The following OSBPL9 variants were observed in gnomAD, a reference collection of about 807,000 sequenced individuals.
The protein encoded by OSBPL9 is oxysterol-binding protein-related protein 9.
In OSBPL9, 40 loss-of-function variants were observed where a neutral mutation model predicts 106.6. The observed-to-expected ratio is 0.38, with a 90% CI of 0.29 to 0.49. The LOEUF is 0.49. Ranked by LOEUF, OSBPL9 falls within the 20% of genes least tolerant of loss-of-function variation. The pLI, the probability that OSBPL9 is intolerant of heterozygous loss-of-function variation, is 0.97. For missense variants in OSBPL9, 609 were observed against 887.2 expected, an observed-to-expected ratio of 0.69 and a Z score of 3.98; for synonymous variants, 269 against 295.4, an observed-to-expected ratio of 0.91 and a Z score of 0.92.
intron 2 of OSBPL9, among the ~76,000 whole-genome samples, chr1:51,603,002 A>G (rs1333327331): frequency 6.6e-6 from 1 of 152,082 alleles, no homozygotes. Flanking sequence ...CAAAAAATAC[A>G]AAAATTAGCC....
intron 3 of OSBPL9, among the ~76,000 whole-genome samples, chr1:51,670,955 A>C (rs1183423318): frequency 3.3e-5 from 5 of 152,086 alleles, no homozygotes; most frequent in Admixed American, 3.3e-4. Context: ...AGAAGGAGAC[A>C]CCTCCTTTGG....
At chr1:51,547,341 G>C in the OSBPL9 span, among the ~76,000 whole-genome samples, 1 of 152,128 alleles carries the variant, frequency 6.6e-6, no homozygotes, top group African/African-American at 2.4e-5. Context: ...TGCATACACA[G>C]CAAGATGAAG....
Position 51,617,124 on chromosome 1 carries a change from TGGAAG to T in OSBPL9, c.17_21del (p.Glu6AlafsTer7). 6.4e-7 allele frequency: 1 copy of T among 1,562,906 alleles called. No homozygotes were observed. The highest frequency in any genetic ancestry group is 1.1e-5 in the South Asian group (1 of 89,834). Reference sequence around the variant, plus strand: ...GCGGCTCCCAAGATGGCGTCCATCATGGAAGGGCCGCTGAGCAAATGGACTAACGT... The same window carrying T: ...GCGGCTCCCAAGATGGCGTCCATCATGGCCGCTGAGCAAATGGACTAACGT... On this transcript the variant is annotated frameshift_variant, in exon 1 of 24. Coordinates refer to ENST00000428468, the MANE Select transcript of OSBPL9 (RefSeq NM_024586.6). LOFTEE classifies it high-confidence loss of function.
chr1:51,746,812 A>G, intron 6 of OSBPL9, 55 bp downstream of exon 6: 1 of 1,387,456 alleles, frequency 7.2e-7, no homozygotes, highest in Non-Finnish European at 1.0e-6. Context: ...AGCCTTTTGG[A>G]GAACACTAAG....
chr1:51,634,850 G>A (rs1031874249), intron 1 of OSBPL9, among the ~76,000 whole-genome samples: 3 of 152,154 alleles, frequency 2.0e-5, no homozygotes, highest in African/African-American at 4.8e-5. Context: ...CATGTCTTAC[G>A]CTGGGGCAGG....
chr1:51,599,354 T>C (rs765375786), intron 2 of OSBPL9, among the ~76,000 whole-genome samples: 7 of 152,224 alleles, frequency 4.6e-5, no homozygotes, highest in Non-Finnish European at 8.8e-5. Flanking sequence ...TACATTCCCA[T>C]GGAGTCTGTT....
intron 1 of OSBPL9, among the ~76,000 whole-genome samples, chr1:51,643,240 C>T (rs1645922050): frequency 6.6e-6 from 1 of 152,118 alleles, no homozygotes; most frequent in Non-Finnish European, 1.5e-5. Flanking sequence ...AGGTTTCTAA[C>T]ACATGAACTT....
chr1:51,580,700 A>G (rs1557574397), intron 1 of OSBPL9, among the ~76,000 whole-genome samples: 2 of 151,638 alleles, frequency 1.3e-5, no homozygotes, highest in Non-Finnish European at 2.9e-5. Flanking sequence ...TCACAATCTA[A>G]TGGGAGAGGC....
chr1:51,772,111 G>A lies in OSBPL9; in HGVS notation c.980G>A (p.Gly327Glu). ...SASVLTHSSS[G>E]NSLKRPDTTE... Reference sequence around the variant, plus strand: ...TCAGTCCTGACACACAGCAGCTCGGGAAATAGTCTAAAACGCCCAGATACC... The same window carrying A: ...TCAGTCCTGACACACAGCAGCTCGGAAAATAGTCTAAAACGCCCAGATACC... The change falls in exon 13 of 24, where the codon GGA becomes GAA. Residue 327 changes from glycine (G) to glutamate (E), a missense_variant. By Grantham distance (98) the Gly-to-Glu change is moderately conservative. This residue lies in a region of OSBPL9 where 356 missense variants were observed against 505.8 expected (regional missense o/e 0.70). Transcript: ENST00000428468. 6.2e-7 allele frequency: 1 copy of A among 1,614,020 alleles called. No individual in the cohort carries two copies.
intron 3 of OSBPL9, among the ~76,000 whole-genome samples, chr1:51,687,403 G>A (rs1313272444): frequency 2.0e-5 from 3 of 152,226 alleles, no homozygotes; most frequent in Non-Finnish European, 2.9e-5. Flanking sequence ...TGCATAGTAT[G>A]TAATTTGGAA....
chr1:51,548,423 G>A, the OSBPL9 span, among the ~76,000 whole-genome samples: 3 of 149,702 alleles, frequency 2.0e-5, no homozygotes, highest in East Asian at 5.8e-4. Flanking sequence ...TTGAAACAAG[G>A]TCTTGCTCTG....
intron 1 of OSBPL9, among the ~76,000 whole-genome samples, chr1:51,626,983 A>G (rs1644803190): frequency 6.6e-6 from 1 of 152,044 alleles, no homozygotes; most frequent in African/African-American, 2.4e-5. Flanking sequence ...GGTCTGATCC[A>G]TTTTTGTTGT....
rs528798872 is a variant in OSBPL9 at position 51,719,895 on chromosome 1, A to T, written c.318+5816A>T. Reference sequence around the variant, plus strand: ...CCTTGCTAAAAGTGGGTCACTACTTACAATGTGCAAATGGTACTCATCGTT... The same window carrying T: ...CCTTGCTAAAAGTGGGTCACTACTTTCAATGTGCAAATGGTACTCATCGTT... On this transcript the variant is annotated intron_variant, in intron 4 of 23. Transcript: ENST00000428468. 2.6e-5 allele frequency among the ~76,000 whole-genome samples: 4 copies of T among 152,360 alleles called. No individual in the cohort carries two copies. In the East Asian group the frequency reaches 7.7e-4, roughly 29 times the overall value.
rs2149155366 is a variant in OSBPL9, at chr1:51,783,930, C to T, written c.1529C>T (p.Ala510Val). 1.9e-6 allele frequency: 3 copies of T among 1,612,912 alleles called. No individual in the cohort carries two copies. The highest frequency in any genetic ancestry group is 3.3e-4 in the Middle Eastern group (2 of 6,056). The change falls in exon 18 of 24, where the codon GCT (alanine) becomes GTT (valine). Residue 510 changes from alanine to valine, a missense_variant. By Grantham distance (64) the Ala-to-Val change is moderately conservative. Coordinates refer to ENST00000428468, the MANE Select transcript of OSBPL9 (RefSeq NM_024586.6). ...TTCTATTCAGTTTCAGCCTTTTATG[C>T]TGAGTGTTTTAACAAGAAGATACAA... Reference protein sequence around the residue: ...SHHPPISAFYAECFNKKIQFN... With the variant: ...SHHPPISAFYVECFNKKIQFN...
At position 51,750,331 on chromosome 1, in the gene OSBPL9, A is replaced by G. The variant is rs1372279732; in HGVS notation, c.543+136A>G. The G allele has an allele frequency of 1.6e-5, 9 of 554,816 alleles. No individual in the cohort carries two copies. The East Asian group carries it at 1.6e-4, about 10-fold the overall frequency. 34.4% of individuals were successfully genotyped at this position (554,816 alleles called of 1,614,324 possible). ...TTAAACTGTATTGTGAGCTTATTCTATGGAACAACTGTTGTGTTTGGCTAT... is the reference window on the plus strand; with the variant it reads ...TTAAACTGTATTGTGAGCTTATTCTGTGGAACAACTGTTGTGTTTGGCTAT... On this transcript the variant is annotated intron_variant, in intron 8 of 23. Transcript: ENST00000428468.
intron 4 of OSBPL9, among the ~76,000 whole-genome samples, chr1:51,738,732 T>A (rs1571437244): frequency 6.6e-6 from 1 of 152,206 alleles, no homozygotes; most frequent in East Asian, 1.9e-4. Flanking sequence ...ATTTAACTTA[T>A]GCTTATAGCC....
upstream of OSBPL9, among the ~76,000 whole-genome samples, chr1:51,575,399 T>C (rs1232737210): frequency 3.3e-5 from 5 of 151,186 alleles, no homozygotes; most frequent in Non-Finnish European, 7.4e-5. Flanking sequence ...TTAGTAGAGA[T>C]GCGGTTTCAC....
At chr1:51,588,606 G>T (rs1645258670) in intron 1 of OSBPL9, among the ~76,000 whole-genome samples, 3 of 150,228 alleles carry the variant, frequency 2.0e-5, no homozygotes, top group Non-Finnish European at 4.4e-5. Context: ...AGCCATGACA[G>T]CACCACTGCA....
At chr1:51,649,681 C>T (rs1646386311) in intron 1 of OSBPL9, among the ~76,000 whole-genome samples, 1 of 149,460 alleles carries the variant, frequency 6.7e-6, no homozygotes, top group Admixed American at 6.7e-5. Context: ...TGGGAGGAGC[C>T]TTCTGGAGTC....
Sources: gnomAD v4.1 joint callset for allele counts (sites outside exome capture counted in the v4.1 genomes callset) on GRCh38, gnomAD v4.1.1 for gene constraint, gnomAD v4.1.1 regional missense constraint, MANE v1.5 for transcripts, NCBI Gene and HGNC (gene_info 2026-07-23, HGNC 2026-07-21) for gene names.